TNR: variants seen among roughly 807,000 people sequenced by gnomAD.
TNR encodes tenascin R, also known as tenascin-R.
Under a neutral mutation model 150.4 loss-of-function variants are expected in TNR, and 45 were observed. The observed-to-expected ratio is 0.30, with a 90% confidence interval of 0.24 to 0.38. The LOEUF is 0.38. Ranked by LOEUF, TNR falls within the 10% of genes least tolerant of loss-of-function variation. The pLI, the probability that TNR is intolerant of heterozygous loss-of-function variation, is 1.00. For synonymous variants in TNR, 687 were observed against 678.4 expected (o/e 1.01, Z -0.20); for missense variants, 1,544 against 1,759.1 (o/e 0.88, Z 2.19).
Position 175,599,679 on chromosome 1 carries a change from AGAG to A in TNR, c.-164-71313_-164-71311del, listed in dbSNP as rs1380979118. ...AGGCCGGCGGCTCCTTGCGGTGGGGAGAGGAGGACAGAGGGGCCAGGTGGAGCG... is the reference window on the plus strand; with the variant it reads ...AGGCCGGCGGCTCCTTGCGGTGGGGAGAGGACAGAGGGGCCAGGTGGAGCG... On this transcript the variant is annotated intron_variant, in intron 1 of 22. Coordinates refer to ENST00000367674, the MANE Select transcript of TNR (RefSeq NM_003285.3). This position sits in a 1 kb window ranked among gnomAD's most constrained non-coding sequence, Gnocchi z 4.7. 2.0e-5 allele frequency among the ~76,000 whole-genome samples: 3 copies of A among 152,140 alleles called. No individual in the cohort carries two copies. The highest frequency in any genetic ancestry group is 4.8e-5 in the African/African-American group (2 of 41,436).
intron 2 of TNR, among the ~76,000 whole-genome samples, chr1:175,416,419 C>T (rs1261075530): frequency 6.6e-6 from 1 of 152,096 alleles, no homozygotes; most frequent in Non-Finnish European, 1.5e-5. Flanking sequence ...TAATGAATTC[C>T]TAATTAATCT....
intron 2 of TNR, among the ~76,000 whole-genome samples, chr1:175,496,692 C>T (rs957344213): frequency 9.9e-5 from 15 of 152,136 alleles, no homozygotes; most frequent in Admixed American, 5.2e-4. Flanking sequence ...ACTGAGGCTC[C>T]GGGCTGAAAG....
intron 1 of TNR, among the ~76,000 whole-genome samples, chr1:175,686,222 C>T (rs1459453754): frequency 6.6e-6 from 1 of 152,224 alleles, no homozygotes; most frequent in Non-Finnish European, 1.5e-5. Context: ...TAATCCCTGG[C>T]TAGTTAATTC....
intron 7 of TNR, among the ~76,000 whole-genome samples, chr1:175,388,447 G>A (rs992205613): frequency 2.0e-5 from 3 of 152,232 alleles, no homozygotes; most frequent in African/African-American, 7.2e-5. Context: ...CCTAGAAGAA[G>A]GCAGCCTGAG....
chr1:175,730,556 G>A (rs894598706), intron 1 of TNR, among the ~76,000 whole-genome samples: 6 of 152,294 alleles, frequency 3.9e-5, no homozygotes, highest in African/African-American at 1.4e-4. Context: ...AGAGAACACT[G>A]GATGAAAACC....
At chr1:175,498,556 C>T (rs1658585934) in intron 2 of TNR, among the ~76,000 whole-genome samples, 1 of 152,196 alleles carries the variant, frequency 6.6e-6, no homozygotes, top group African/African-American at 2.4e-5. Context: ...TCTATTTGTT[C>T]CCACAGCTCT....
chr1:175,615,012 C>A lies in TNR; in HGVS notation c.-164-86643G>T, dbSNP rs368341435. On this transcript the variant is annotated intron_variant, in intron 1 of 22. Transcript: ENST00000367674. Reference sequence around the variant, plus strand: ...TGCAGCCATCTGGACTCATGGGGATCCCCCCACCTGAGTGGGGCTGGTGAA... The same window carrying A: ...TGCAGCCATCTGGACTCATGGGGATACCCCCACCTGAGTGGGGCTGGTGAA... Among the ~76,000 whole-genome samples, 50 of 152,318 alleles carry A rather than the reference C, an allele frequency of 3.3e-4. 1 individual carries two copies. The East Asian group carries it at 6.9e-3, about 21-fold the overall frequency.
rs965480155 is a variant in TNR, at chr1:175,341,841, G to A, written c.3383-4162C>T. ...CCTCTGGTTATCAACACTTAGATTT[G>A]CTTTTTCCCAGAAGCTTGTTTGTGG... On this transcript the variant is annotated intron_variant, in intron 18 of 22. Transcript: ENST00000367674. 2.6e-5 allele frequency among the ~76,000 whole-genome samples: 4 copies of A among 152,180 alleles called. No homozygotes were observed. The East Asian group carries it at 7.7e-4, about 29-fold the overall frequency.
intron 1 of TNR, among the ~76,000 whole-genome samples, chr1:175,558,037 C>A (rs1661247192): frequency 8.6e-6 from 1 of 115,898 alleles, no homozygotes; most frequent in Non-Finnish European, 1.8e-5. Context: ...AAACCAAACA[C>A]CGCATATTCT....
rs1553251706 is a variant in TNR at position 175,657,873 on chromosome 1, A to ATATATATG, written c.-165+85352_-165+85353insCATATATA. On this transcript the variant is annotated intron_variant, in intron 1 of 22. Coordinates refer to ENST00000367674, the MANE Select transcript of TNR (RefSeq NM_003285.3). Reference sequence around the variant, plus strand: ...AACATGTATATATATATATATATATATATATATATATGTAACAAACCTGCA... The same window carrying ATATATATG: ...AACATGTATATATATATATATATATATATATATGTATATATATATGTAACAAACCTGCA... Among the ~76,000 whole-genome samples the ATATATATG allele has an allele frequency of 7.8e-4, 99 of 127,398 alleles. 6 individuals carry two copies. Among genetic ancestry groups the ATATATATG allele is most frequent in the African/African-American group, 2.7e-3 (97 of 35,328 alleles). 83.6% of individuals were successfully genotyped at this position (127,398 alleles called of 152,430 possible).
intron 1 of TNR, among the ~76,000 whole-genome samples, chr1:175,684,723 C>T (rs936373490): frequency 6.6e-6 from 1 of 152,284 alleles, no homozygotes; most frequent in African/African-American, 2.4e-5. Flanking sequence ...AAAAAGAGTG[C>T]TCTATAGTTA....
intron 9 of TNR, among the ~76,000 whole-genome samples, chr1:175,367,913 C>T (rs2102015940): frequency 6.6e-6 from 1 of 152,206 alleles, no homozygotes; most frequent in East Asian, 1.9e-4. Context: ...GTATCTAAAG[C>T]TGTGGATCTA....
intron 18 of TNR, among the ~76,000 whole-genome samples, chr1:175,340,372 A>G (rs1268911923): frequency 3.9e-5 from 6 of 152,238 alleles, no homozygotes; most frequent in East Asian, 1.9e-4. Context: ...TGTAAAGACA[A>G]CAAGCATTTT....
chr1:175,418,478 T>C (rs1654605791), intron 2 of TNR, among the ~76,000 whole-genome samples: 1 of 152,044 alleles, frequency 6.6e-6, no homozygotes, highest in East Asian at 1.9e-4. Flanking sequence ...AATCCCAACA[T>C]TTTGGGAGGC....
chr1:175,331,078 C>CTTCTTCTTTCTTTCTTTCTTTCTTTCT lies in TNR; in HGVS notation c.3632-844_3632-843insAGAAAGAAAGAAAGAAAGAAAGAAGAA, dbSNP rs1557868076. ...CTTTCTTTCTTTCTTTCTTTCTTTC[C>CTTCTTCTTTCTTTCTTTCTTTCTTTCT]TTCTTTCTTTCTTTCTTTCTTTCTC... On this transcript the variant is annotated intron_variant, in intron 20 of 22. Transcript: ENST00000367674. Among the ~76,000 whole-genome samples the CTTCTTCTTTCTTTCTTTCTTTCTTTCT allele has an allele frequency of 2.6e-3, 156 of 59,962 alleles. 11 individuals carry two copies. The highest frequency in any genetic ancestry group is 0.015 in the Middle Eastern group (2 of 130). 39.3% of individuals were successfully genotyped at this position (59,962 alleles called of 152,430 possible). A position where few individuals can be genotyped will look rare whatever the true frequency, so the allele number is the denominator to read the frequency against.
At chr1:175,342,212 G>A (rs958238037) in intron 18 of TNR, among the ~76,000 whole-genome samples, 10 of 152,296 alleles carry the variant, frequency 6.6e-5, no homozygotes, top group African/African-American at 2.4e-4. Flanking sequence ...TAAACATTGT[G>A]GGCTGGCAAA....
At chr1:175,445,256 C>G (rs563782237) in intron 2 of TNR, among the ~76,000 whole-genome samples, 1 of 151,786 alleles carries the variant, frequency 6.6e-6, no homozygotes, top group Non-Finnish European at 1.5e-5. Context: ...GGGGAAAGTG[C>G]GAGACTCCGT....
At chr1:175,626,579 T>A (rs1004745625) in intron 1 of TNR, among the ~76,000 whole-genome samples, 3 of 152,208 alleles carry the variant, frequency 2.0e-5, no homozygotes, top group African/African-American at 7.2e-5. Context: ...AGCCTTCAGT[T>A]AGTAATTGAG....
intron 2 of TNR, among the ~76,000 whole-genome samples, chr1:175,484,487 A>G (rs984313260): frequency 6.7e-6 from 1 of 149,680 alleles, no homozygotes; most frequent in Non-Finnish European, 1.5e-5. Context: ...TTTGCAGTCC[A>G]CCCTCCCCTG....
Sources: allele counts gnomAD v4.1 joint callset (sites outside exome capture counted in the v4.1 genomes callset), GRCh38; gene constraint gnomAD v4.1.1; non-coding constraint Gnocchi (gnomAD v3.1); transcripts MANE v1.5; gene names NCBI Gene and HGNC (gene_info 2026-07-23, HGNC 2026-07-21).